The following BAALC variants were observed in gnomAD, a reference collection of about 807,000 sequenced individuals.
BAALC encodes the protein brain and acute leukemia cytoplasmic protein.
Under a neutral mutation model 15.5 loss-of-function variants are expected in BAALC, and 9 were observed. The observed-to-expected ratio is 0.58, with a 90% CI of 0.35 to 1.02. The LOEUF (loss-of-function observed/expected upper bound fraction) is 1.02, where lower values mean the gene tolerates loss of function less well. Among genes scored for constraint, BAALC ranks in the 50% least tolerant of loss-of-function variants. BAALC has a pLI of 0.02. For missense variants in BAALC, 201 were observed against 192.4 expected (o/e 1.04, Z -0.27); for synonymous variants, 80 against 74.6 (o/e 1.07, Z -0.37).
intron 1 of BAALC, among the ~76,000 whole-genome samples, chr8:103,212,168 A>G (rs999544560): frequency 2.6e-5 from 4 of 152,216 alleles, no homozygotes; most frequent in African/African-American, 7.2e-5. Context: ...GTATTGGCCA[A>G]GCATGTTATC....
At position 103,229,885 on chromosome 8, in the gene BAALC, T is replaced by G. The variant is rs1005909740; in HGVS notation, c.*1786T>G. The G allele has an allele frequency of 6.6e-6, 1 of 152,208 alleles. No individual in the cohort carries two copies. The highest frequency in any genetic ancestry group is 1.5e-5 in the Non-Finnish European group (1 of 68,026). The allele number at this position is 152,208 out of a possible 1,614,324, so 9.4% of individuals were successfully genotyped here. A position where few individuals can be genotyped will look rare whatever the true frequency, so the allele number is the denominator to read the frequency against. ...AAAAGAAAAACCTGTGATTCATATG[T>G]CCCCACTGGCATTACTCAGCAGGAG... On this transcript the variant is annotated 3_prime_UTR_variant, in exon 3 of 3. Transcript: ENST00000309982.
intron 1 of BAALC, among the ~76,000 whole-genome samples, chr8:103,208,785 C>T (rs185824411): frequency 1.9e-4 from 29 of 152,254 alleles, no homozygotes; most frequent in African/African-American, 3.4e-4. Context: ...GATCCTGGTG[C>T]GTAAGGCCTC....
At chr8:103,159,319 TC>T (rs1811170317) in intron 1 of BAALC, among the ~76,000 whole-genome samples, 1 of 152,230 alleles carries the variant, frequency 6.6e-6, no homozygotes, top group Non-Finnish European at 1.5e-5. Context: ...TTATTGATAA[TC>T]ATTGCCTACA....
intron 1 of BAALC, among the ~76,000 whole-genome samples, chr8:103,191,961 A>G (rs1470204492): frequency 6.6e-6 from 1 of 152,228 alleles, no homozygotes; most frequent in African/African-American, 2.4e-5. Flanking sequence ...TTTTTGTTTT[A>G]TACTTTCAGT....
chr8:103,177,273 C>T lies in BAALC; in HGVS notation c.161-35646C>T, dbSNP rs115259779. 2.0e-5 allele frequency among the ~76,000 whole-genome samples: 3 copies of T among 151,596 alleles called. No homozygotes were observed. In the East Asian group the frequency reaches 5.8e-4, roughly 30 times the overall value. The stretch of plus-strand genomic sequence containing the variant: ...ATGATCTCGGCTCACTGTAGCTTCA[C>T]TCCTGGGCCCAAGTGATCCTCCCAC... On this transcript the variant is annotated intron_variant, in intron 1 of 2. Coordinates refer to ENST00000309982, the MANE Select transcript of BAALC (RefSeq NM_024812.3).
chr8:103,177,213 A>G (rs10102706), intron 1 of BAALC, among the ~76,000 whole-genome samples: 76,923 of 148,672 alleles, frequency 0.52, 20,024 homozygotes, highest in Non-Finnish European at 0.54. Context: ...TTTTGAGACA[A>G]GATCTCATTC....
At chr8:103,203,477 A>G (rs1812264122) in intron 1 of BAALC, among the ~76,000 whole-genome samples, 1 of 152,214 alleles carries the variant, frequency 6.6e-6, no homozygotes, top group African/African-American at 2.4e-5. Flanking sequence ...AAAGCATACA[A>G]TTAAATGATT....
At chr8:103,176,738 T>C (rs1811615047) in intron 1 of BAALC, among the ~76,000 whole-genome samples, 2 of 152,206 alleles carry the variant, frequency 1.3e-5, no homozygotes, top group Middle Eastern at 3.2e-3. Context: ...CTGCTTCTGG[T>C]TCGTTTCCTC....
intron 1 of BAALC, among the ~76,000 whole-genome samples, chr8:103,146,320 C>T (rs1810880951): frequency 6.6e-6 from 1 of 152,202 alleles, no homozygotes; most frequent in Admixed American, 6.5e-5. Flanking sequence ...GGCCTGACTC[C>T]ATCCCCGAGA....
intron 1 of BAALC, among the ~76,000 whole-genome samples, chr8:103,170,902 A>G (rs760211200): frequency 2.0e-5 from 3 of 152,222 alleles, no homozygotes; most frequent in Non-Finnish European, 4.4e-5. Flanking sequence ...TTTATTCTCT[A>G]TATCATTTGT....
chr8:103,150,333 C>CTG (rs34233321), intron 1 of BAALC, among the ~76,000 whole-genome samples: 29,469 of 148,978 alleles, frequency 0.2, 3,124 homozygotes, highest in East Asian at 0.41. Flanking sequence ...AGAAACATGG[C>CTG]TGTGTGTGTG....
intron 1 of BAALC, among the ~76,000 whole-genome samples, chr8:103,198,816 CAGG>C (rs1219576037): frequency 6.6e-6 from 1 of 152,022 alleles, no homozygotes; most frequent in Non-Finnish European, 1.5e-5. Context: ...GAGGCTGAGG[CAGG>C]AGAATTGCTT....
chr8:103,181,720 G>A (rs1409379246), intron 1 of BAALC, among the ~76,000 whole-genome samples: 3 of 152,168 alleles, frequency 2.0e-5, no homozygotes, highest in East Asian at 1.9e-4. Flanking sequence ...CAAAATAAAT[G>A]AGAATTTGGT....
At chr8:103,215,319 A>G (rs1258202806) in intron 2 of BAALC, among the ~76,000 whole-genome samples, 2 of 152,232 alleles carry the variant, frequency 1.3e-5, no homozygotes, top group East Asian at 1.9e-4. Context: ...ATAAGGCCAT[A>G]TAAGTGTTGT....
intron 1 of BAALC, among the ~76,000 whole-genome samples, chr8:103,148,254 G>A (rs551237958): frequency 2.2e-4 from 34 of 152,160 alleles, no homozygotes; most frequent in Non-Finnish European, 3.8e-4. Context: ...GGCAGAGACC[G>A]GTGATGCTGC....
At chr8:103,192,074 G>C (rs1811980948) in intron 1 of BAALC, among the ~76,000 whole-genome samples, 1 of 151,968 alleles carries the variant, frequency 6.6e-6, no homozygotes, top group East Asian at 1.9e-4. Flanking sequence ...TATTTGAGAT[G>C]GAGTTTCACT....
At chr8:103,187,994 T>C (rs1811881439) in intron 1 of BAALC, among the ~76,000 whole-genome samples, 1 of 152,212 alleles carries the variant, frequency 6.6e-6, no homozygotes, top group Admixed American at 6.5e-5. Context: ...CAGTGGCAAG[T>C]AATAAATTAA....
Position 103,174,830 on chromosome 8 carries a change from A to G in BAALC, c.160+33773A>G, listed in dbSNP as rs1586400074. The stretch of plus-strand genomic sequence containing the variant: ...GCTGGGGAACATCTTTTAGCTGAGC[A>G]GCAACAGACCATCTAAAAGCCAAGA... On this transcript the variant is annotated intron_variant, in intron 1 of 2. Coordinates refer to ENST00000309982, the MANE Select transcript of BAALC (RefSeq NM_024812.3). Among the ~76,000 whole-genome samples the G allele has an allele frequency of 5.3e-5, 8 of 152,336 alleles. 2 individuals are homozygous for G. Among genetic ancestry groups the G allele is most frequent in the Admixed American group, 5.2e-4 (8 of 15,302 alleles).
intron 1 of BAALC, among the ~76,000 whole-genome samples, chr8:103,153,732 G>C (rs1328130968): frequency 6.6e-6 from 1 of 152,204 alleles, no homozygotes; most frequent in African/African-American, 2.4e-5. Context: ...GCTTCTGTTG[G>C]AGAAGCAGCT....
Sources: gnomAD v4.1 joint callset for allele counts (sites outside exome capture counted in the v4.1 genomes callset) on GRCh38, gnomAD v4.1.1 for gene constraint, MANE v1.5 for transcripts, NCBI Gene and HGNC (gene_info 2026-07-23, HGNC 2026-07-21) for gene names.